DENND1A: variants seen among roughly 807,000 people sequenced by gnomAD.
DENND1A encodes the protein DENN domain-containing protein 1A.
Under a neutral mutation model 113.7 loss-of-function variants are expected in DENND1A, and 51 were observed. The observed-to-expected ratio is 0.45, with a 90% confidence interval of 0.36 to 0.57. The LOEUF is 0.57. Ranked by LOEUF, DENND1A falls within the 20% of genes least tolerant of loss-of-function variation. DENND1A has a pLI of 0.00. For missense variants in DENND1A, 1,258 were observed against 1,395.9 expected, an observed-to-expected ratio of 0.90 and a Z score of 1.57; for synonymous variants, 565 against 570.8, an observed-to-expected ratio of 0.99 and a Z score of 0.14.
chr9:123,899,116 T>C (rs1851208366), intron 1 of DENND1A, among the ~76,000 whole-genome samples: 1 of 152,212 alleles, frequency 6.6e-6, no homozygotes, highest in East Asian at 1.9e-4. Context: ...ATGCCCATAA[T>C]TTCCAAATCT....
intron 1 of DENND1A, among the ~76,000 whole-genome samples, chr9:123,890,761 G>C (rs1376599304): frequency 6.6e-6 from 1 of 152,160 alleles, no homozygotes; most frequent in African/African-American, 2.4e-5. Flanking sequence ...GATAGAGCTG[G>C]AATTTGAACC....
At chr9:123,553,397 GCCGC>G (rs144238811) in intron 13 of DENND1A, among the ~76,000 whole-genome samples, 51,994 of 140,118 alleles carry the variant, frequency 0.37, 10,207 homozygotes, top group African/African-American at 0.52. Flanking sequence ...CTTTTTAAAA[GCCGC>G]CCCCCCCCCG....
intron 5 of DENND1A, among the ~76,000 whole-genome samples, chr9:123,739,164 A>T (rs894886249): frequency 6.6e-6 from 1 of 152,168 alleles, no homozygotes; most frequent in Non-Finnish European, 1.5e-5. Context: ...TTCATTAGCA[A>T]AAGTTAGGAA....
At chr9:123,401,820 G>A (rs1345844208) in intron 21 of DENND1A, 2 of 1,614,236 alleles carry the variant, frequency 1.2e-6, no homozygotes, top group African/African-American at 2.7e-5. Context: ...TCAATGTGAT[G>A]AAGAGGTCCA....
Position 123,520,147 on chromosome 9 carries a change from CAAAAAAAAA to C in DENND1A, c.993+37414_993+37422del, listed in dbSNP as rs777054330. 3.2e-4 allele frequency among the ~76,000 whole-genome samples: 12 copies of C among 37,318 alleles called. No homozygotes were observed. In the South Asian group the frequency reaches 6.6e-3, roughly 21 times the overall value. The allele number at this position is 37,318 out of a possible 152,430, so 24.5% of individuals were successfully genotyped here. ...TGGGAAACAGAGCAAGATCCTGTCT[CAAAAAAAAA>C]AAAAAAAAAAAAAAAAAAGGCCACC... On this transcript the variant is annotated intron_variant, in intron 13 of 23. Coordinates refer to ENST00000394215, the MANE Select transcript of DENND1A (RefSeq NM_001352964.2).
At chr9:123,870,237 C>A (rs1001964627) in intron 2 of DENND1A, among the ~76,000 whole-genome samples, 9 of 151,348 alleles carry the variant, frequency 5.9e-5, no homozygotes, top group African/African-American at 1.5e-4. Flanking sequence ...TCTGACTGTT[C>A]TAACCACTGC....
intron 19 of DENND1A, among the ~76,000 whole-genome samples, chr9:123,420,067 A>G (rs925744887): frequency 1.3e-5 from 2 of 152,206 alleles, no homozygotes; most frequent in Non-Finnish European, 2.9e-5. Context: ...CTAGAGGGAT[A>G]TTCCTTGCAA....
At chr9:123,843,189 G>T in intron 2 of DENND1A, 1 of 549,274 alleles carries the variant, frequency 1.8e-6, no homozygotes, top group Non-Finnish European at 3.7e-6. Context: ...TGGTTTTGTA[G>T]CTGCTGTCAA....
chr9:123,776,139 C>T (rs1290530409), intron 3 of DENND1A, among the ~76,000 whole-genome samples: 5 of 152,154 alleles, frequency 3.3e-5, no homozygotes, highest in African/African-American at 9.7e-5. Flanking sequence ...CAGCAAACAC[C>T]CGTCGGTGGC....
intron 5 of DENND1A, among the ~76,000 whole-genome samples, chr9:123,711,809 A>G (rs2066653572): frequency 6.6e-6 from 1 of 152,040 alleles, no homozygotes; most frequent in Non-Finnish European, 1.5e-5. Flanking sequence ...CTAGTTTCTT[A>G]TCCTTGGTGT....
chr9:123,595,145 G>A (rs934110871), intron 11 of DENND1A, among the ~76,000 whole-genome samples: 1 of 151,914 alleles, frequency 6.6e-6, no homozygotes, highest in Non-Finnish European at 1.5e-5. Flanking sequence ...TGAAAACACC[G>A]CTGGAATTTC....
At chr9:123,434,762 T>TG (rs2046391377) in intron 19 of DENND1A, among the ~76,000 whole-genome samples, 1 of 152,042 alleles carries the variant, frequency 6.6e-6, no homozygotes, top group African/African-American at 2.4e-5. Context: ...AGGAGGAAGA[T>TG]GGAGTCTTTA....
chr9:123,488,949 TC>T (rs766160213), intron 13 of DENND1A, among the ~76,000 whole-genome samples: 1 of 151,976 alleles, frequency 6.6e-6, no homozygotes, highest in Non-Finnish European at 1.5e-5. Context: ...CTGCAAATGC[TC>T]CCCTCTGGCC....
chr9:123,394,421 G>GAGCC (rs1167572699), intron 21 of DENND1A, among the ~76,000 whole-genome samples: 1 of 152,052 alleles, frequency 6.6e-6, no homozygotes, highest in East Asian at 1.9e-4. Flanking sequence ...GGAGGGCCTG[G>GAGCC]AGCCAGCGCA....
At chr9:123,911,930 A>G (rs614646) in intron 1 of DENND1A, among the ~76,000 whole-genome samples, 44,095 of 151,746 alleles carry the variant, frequency 0.29, 10,269 homozygotes, top group African/African-American at 0.65. Context: ...TCCTGACCTC[A>G]TGATCCGCCC....
intron 5 of DENND1A, among the ~76,000 whole-genome samples, chr9:123,747,308 T>C (rs1398891969): frequency 6.6e-6 from 1 of 152,144 alleles, no homozygotes; most frequent in South Asian, 2.1e-4. Flanking sequence ...CCAGACTGCA[T>C]AAATGAACAA....
chr9:123,671,211 C>A (rs2063745790), intron 7 of DENND1A, 80 bp downstream of exon 7: 6 of 1,548,796 alleles, frequency 3.9e-6, no homozygotes, highest in Non-Finnish European at 5.3e-6. Context: ...TGACAAAATA[C>A]AATCCTGTTC....
intron 13 of DENND1A, among the ~76,000 whole-genome samples, chr9:123,461,676 G>A (rs2048535379): frequency 6.6e-6 from 1 of 152,222 alleles, no homozygotes; most frequent in South Asian, 2.1e-4. Flanking sequence ...CTGCAGGAGA[G>A]CAGAAAGAAT....
chr9:123,722,598 G>A (rs779692207), intron 5 of DENND1A, among the ~76,000 whole-genome samples: 15 of 152,190 alleles, frequency 9.9e-5, no homozygotes, highest in Non-Finnish European at 1.8e-4. Context: ...GGTGACCTGT[G>A]TCCCAGTCAC....
Sources: allele counts gnomAD v4.1 joint callset (sites outside exome capture counted in the v4.1 genomes callset), GRCh38; gene constraint gnomAD v4.1.1; transcripts MANE v1.5; gene names NCBI Gene and HGNC (gene_info 2026-07-23, HGNC 2026-07-21).